Variants in RHEB observed in about 807,000 individuals in gnomAD.
RHEB encodes the protein Ras homolog, mTORC1 binding.
RHEB carries 2 observed loss-of-function variants against 28.8 expected under a neutral mutation model. The observed-to-expected ratio is 0.07, with a 90% CI of 0.03 to 0.22. RHEB has a LOEUF of 0.22. Among genes scored for constraint, RHEB ranks in the 10% least tolerant of loss-of-function variants. RHEB has a pLI of 1.00. For synonymous variants in RHEB, 69 were observed against 77.3 expected (o/e 0.89, Z 0.56); for missense variants, 76 against 219.9 (o/e 0.35, Z 4.14).
At chr7:151,478,387 GAAA>G (rs558537520) in intron 3 of RHEB, among the ~76,000 whole-genome samples, 2 of 115,580 alleles carry the variant, frequency 1.7e-5, no homozygotes, top group Admixed American at 8.8e-5. Flanking sequence ...GTTCTTTAAA[GAAA>G]AAAAAAAAAA....
At chr7:151,501,255 TCAA>T (rs914240019) in intron 1 of RHEB, among the ~76,000 whole-genome samples, 2 of 152,110 alleles carry the variant, frequency 1.3e-5, no homozygotes, top group African/African-American at 4.8e-5. Context: ...CTCTCATAAC[TCAA>T]CAACAAGAAA....
chr7:151,477,455 A>G (rs767021178), intron 3 of RHEB, 40 bp from the exon 4 acceptor site: 9 of 1,186,060 alleles, frequency 7.6e-6, no homozygotes, highest in Middle Eastern at 1.9e-4. Flanking sequence ...GTCTTCATAT[A>G]GCATCACAAA....
chr7:151,473,184 G>A (rs73476491), intron 4 of RHEB, among the ~76,000 whole-genome samples: 5,883 of 152,320 alleles, frequency 0.039, 355 homozygotes, highest in African/African-American at 0.13. Context: ...ATAAAAGACA[G>A]TGGCTTGTCA....
chr7:151,474,546 AT>A (rs1802233597), intron 4 of RHEB, among the ~76,000 whole-genome samples: 1 of 152,208 alleles, frequency 6.6e-6, no homozygotes, highest in Non-Finnish European at 1.5e-5. Context: ...TCCTATATCA[AT>A]ATACCCAATT....
chr7:151,498,125 C>G, intron 1 of RHEB: 1 of 1,289,676 alleles, frequency 7.8e-7, no homozygotes, highest in South Asian at 1.2e-5. Context: ...CACCTGTGCG[C>G]CCTGCAGAAC....
chr7:151,487,760 T>A (rs893389679), intron 2 of RHEB, among the ~76,000 whole-genome samples: 2 of 152,228 alleles, frequency 1.3e-5, no homozygotes, highest in African/African-American at 4.8e-5. Flanking sequence ...TCTTCTGACA[T>A]CACTCTCCTT....
At position 151,470,345 on chromosome 7, in the gene RHEB, T is replaced by G. The variant is rs1024221909; in HGVS notation, c.462+226A>C. 19 of 354,582 alleles carry G rather than the reference T, an allele frequency of 5.4e-5. No homozygotes were observed. In the East Asian group the frequency reaches 8.9e-4, roughly 17 times the overall value. 22.0% of individuals were successfully genotyped at this position (354,582 alleles called of 1,614,324 possible). A position where few individuals can be genotyped will look rare whatever the true frequency, so the allele number is the denominator to read the frequency against. ...TATTTCCTTTACTAATAGTTTCTGT[T>G]TATCCTACAAATATCCTAGGTTCCA... On this transcript the variant is annotated intron_variant, in intron 7 of 7. Transcript: ENST00000262187.
At chr7:151,501,724 C>T (rs940413808) in intron 1 of RHEB, among the ~76,000 whole-genome samples, 2 of 152,252 alleles carry the variant, frequency 1.3e-5, no homozygotes, top group South Asian at 2.1e-4. Context: ...AAACCCATCC[C>T]GCAGCCTTGT....
chr7:151,490,086 A>C (rs538350350), intron 2 of RHEB, among the ~76,000 whole-genome samples: 4 of 152,308 alleles, frequency 2.6e-5, no homozygotes, highest in Admixed American at 1.3e-4. Context: ...CTGGGGTTCT[A>C]AGCCTGAAAA....
chr7:151,481,308 T>C (rs1303177727), intron 3 of RHEB, among the ~76,000 whole-genome samples: 1 of 152,236 alleles, frequency 6.6e-6, no homozygotes, highest in Non-Finnish European at 1.5e-5. Context: ...CATAGTGGTA[T>C]GGATGTACCG....
At chr7:151,504,711 T>C (rs1380535136) in intron 1 of RHEB, among the ~76,000 whole-genome samples, 2 of 152,060 alleles carry the variant, frequency 1.3e-5, no homozygotes, top group Non-Finnish European at 2.9e-5. Context: ...TTATTGGGCA[T>C]CCTGATAAAG....
rs538491273 is a variant in RHEB, at chr7:151,479,539, T to C, written c.193-2124A>G. Among the ~76,000 whole-genome samples the C allele has an allele frequency of 3.2e-3, 493 of 151,908 alleles. 1 individual carries two copies. The highest frequency in any genetic ancestry group is 4.5e-3 in the Non-Finnish European group (305 of 67,922). ...CCACTCAAAATACAAAAAAACTAGCTGGGCGTGGTGGCGGGCGCCTGTAGT... is the reference window on the plus strand; with the variant it reads ...CCACTCAAAATACAAAAAAACTAGCCGGGCGTGGTGGCGGGCGCCTGTAGT... On this transcript the variant is annotated intron_variant, in intron 3 of 7. Transcript: ENST00000262187.
intron 7 of RHEB, among the ~76,000 whole-genome samples, chr7:151,470,027 A>G (rs1196560377): frequency 1.3e-5 from 2 of 152,232 alleles, no homozygotes; most frequent in African/African-American, 4.8e-5. Flanking sequence ...GGGCTCATAC[A>G]GGACTGTGAA....
chr7:151,480,013 A>T (rs1199959263), intron 3 of RHEB, among the ~76,000 whole-genome samples: 1 of 152,226 alleles, frequency 6.6e-6, no homozygotes, highest in Non-Finnish European at 1.5e-5. Context: ...CTGCATTTTT[A>T]AAAGTACACT....
intron 1 of RHEB, among the ~76,000 whole-genome samples, chr7:151,496,509 A>C (rs1267476580): frequency 6.6e-6 from 1 of 152,196 alleles, no homozygotes; most frequent in Non-Finnish European, 1.5e-5. Flanking sequence ...ATGGACTGCA[A>C]ACAAGAAAGG....
At chr7:151,473,879 T>A (rs1474737908) in intron 4 of RHEB, among the ~76,000 whole-genome samples, 1 of 152,238 alleles carries the variant, frequency 6.6e-6, no homozygotes, top group African/African-American at 2.4e-5. Context: ...CTAAAAACGG[T>A]GCTCCTTAAT....
chr7:151,511,150 T>C (rs1233422373), intron 1 of RHEB, among the ~76,000 whole-genome samples: 1 of 151,744 alleles, frequency 6.6e-6, no homozygotes, highest in Non-Finnish European at 1.5e-5. Context: ...GACACAGAAG[T>C]CTTAGAAAAG....
rs1199086837 is a variant in RHEB at position 151,466,749 on chromosome 7, A to G, written c.*370T>C. On this transcript the variant is annotated 3_prime_UTR_variant, in exon 8 of 8. Coordinates refer to ENST00000262187, the MANE Select transcript of RHEB (RefSeq NM_005614.4). ...TTTTATTTACAAGTATACATTTAACACAATGAAATAAACACTGATATACTG... is the reference window on the plus strand; with the variant it reads ...TTTTATTTACAAGTATACATTTAACGCAATGAAATAAACACTGATATACTG... 3 of 173,066 alleles carry G rather than the reference A, an allele frequency of 1.7e-5. No homozygotes were observed. The highest frequency in any genetic ancestry group is 7.2e-5 in the African/African-American group (3 of 41,822). The allele number at this position is 173,066 out of a possible 1,614,324, so 10.7% of individuals were successfully genotyped here.
At chr7:151,501,965 C>A in intron 1 of RHEB, 1 of 638,860 alleles carries the variant, frequency 1.6e-6, no homozygotes, top group Non-Finnish European at 2.9e-6. Flanking sequence ...GGGCTGGGCG[C>A]CGTGGCTCAC....
Sources: allele counts gnomAD v4.1 joint callset (sites outside exome capture counted in the v4.1 genomes callset), GRCh38; gene constraint gnomAD v4.1.1; transcripts MANE v1.5; gene names NCBI Gene and HGNC (gene_info 2026-07-23, HGNC 2026-07-21).